ULK4: variants seen among roughly 807,000 people sequenced by gnomAD.
ULK4 encodes the protein unc-51 like kinase 4, also known as inactive serine/threonine-protein kinase ULK4.
In ULK4, 133 loss-of-function variants were observed where a neutral mutation model predicts 160.6. That is an observed-to-expected ratio of 0.83 (90% CI 0.72 to 0.96). The LOEUF is 0.96. Among genes scored for constraint, ULK4 ranks in the 40% least tolerant of loss-of-function variants. The pLI is 0.00. For missense variants in ULK4, 1,580 were observed against 1,499.5 expected, an observed-to-expected ratio of 1.05 and a Z score of -0.89; for synonymous variants, 534 against 539.8, an observed-to-expected ratio of 0.99 and a Z score of 0.15.
chr3:41,252,925 T>C (rs953926558), intron 35 of ULK4, among the ~76,000 whole-genome samples: 91 of 152,172 alleles, frequency 6.0e-4, no homozygotes, highest in African/African-American at 2.0e-3. Context: ...ATATTACTTA[T>C]AGGGTAACAA....
intron 34 of ULK4, among the ~76,000 whole-genome samples, chr3:41,442,093 T>C (rs994631106): frequency 2.0e-5 from 3 of 152,186 alleles, no homozygotes; most frequent in Admixed American, 2.0e-4. Flanking sequence ...CAGTATATAG[T>C]TGGGTCTTGC....
intron 21 of ULK4, among the ~76,000 whole-genome samples, chr3:41,765,764 T>G (rs1257460713): frequency 6.6e-6 from 1 of 152,176 alleles, no homozygotes; most frequent in African/African-American, 2.4e-5. Context: ...TCTTTCAAAA[T>G]GAATATATTA....
chr3:41,428,320 A>G (rs772603902), intron 34 of ULK4, among the ~76,000 whole-genome samples: 3 of 152,210 alleles, frequency 2.0e-5, no homozygotes, highest in East Asian at 3.9e-4. Flanking sequence ...AAGAATAAAT[A>G]TCGTGAAAAT....
At position 41,376,388 on chromosome 3, in the gene ULK4, G is replaced by A. The variant is rs143043695; in HGVS notation, c.3678+21691C>T. Among the ~76,000 whole-genome samples, 384 of 150,262 alleles carry A rather than the reference G, an allele frequency of 2.6e-3. 18 individuals carry two copies. The highest frequency in any genetic ancestry group is 0.018 in the East Asian group (89 of 4,842). ...GGAACCAACCCAAATGCCCATCAAT[G>A]AGAGACTGGATAAAGAAAATGTGGC... On this transcript the variant is annotated intron_variant, in intron 35 of 36. Transcript: ENST00000301831.
At chr3:41,804,170 T>A (rs1012749012) in intron 19 of ULK4, among the ~76,000 whole-genome samples, 2 of 151,848 alleles carry the variant, frequency 1.3e-5, no homozygotes, top group African/African-American at 4.9e-5. Context: ...TTTTTAATGA[T>A]TGCCATTCTA....
At chr3:41,420,099 CA>C (rs1340823882) in intron 34 of ULK4, among the ~76,000 whole-genome samples, 2 of 151,292 alleles carry the variant, frequency 1.3e-5, no homozygotes, top group South Asian at 2.1e-4. Context: ...CTGTGAGAGA[CA>C]GGAGATAAAT....
chr3:41,586,387 C>T (rs2030804885), intron 31 of ULK4, among the ~76,000 whole-genome samples: 3 of 152,000 alleles, frequency 2.0e-5, no homozygotes. Flanking sequence ...TGAAATAAGC[C>T]AGTCACAAAA....
intron 21 of ULK4, among the ~76,000 whole-genome samples, chr3:41,776,219 T>C (rs192297638): frequency 6.6e-6 from 1 of 151,048 alleles, no homozygotes; most frequent in African/African-American, 2.5e-5. Flanking sequence ...CCAAGTTTAC[T>C]GACCATTCCA....
chr3:41,386,592 C>A (rs115201244), intron 35 of ULK4, among the ~76,000 whole-genome samples: 4 of 152,094 alleles, frequency 2.6e-5, no homozygotes, highest in African/African-American at 9.7e-5. Context: ...TGACCCTTTG[C>A]GTTCCATTTG....
At chr3:41,535,077 C>G (rs1165307898) in intron 32 of ULK4, among the ~76,000 whole-genome samples, 1 of 152,058 alleles carries the variant, frequency 6.6e-6, no homozygotes, top group African/African-American at 2.4e-5. Flanking sequence ...TCTTATTTTT[C>G]AACTAAGATT....
At chr3:41,344,426 T>G (rs1370234955) in intron 35 of ULK4, among the ~76,000 whole-genome samples, 1 of 152,124 alleles carries the variant, frequency 6.6e-6, no homozygotes, top group Non-Finnish European at 1.5e-5. Context: ...GGCAAAGATT[T>G]CATCATGAAA....
chr3:41,398,235 A>G lies in ULK4; in HGVS notation c.3522T>C (p.Asp1174=), dbSNP rs769632532. The change falls in exon 35 of 37, where the codon GAT becomes GAC. Residue 1174 remains aspartate (D), a synonymous_variant. Transcript: ENST00000301831. ...GTATAGACAGGCACTTGGATGAAAC[A>G]TCAAAAATCTCAGGATCTTCATTAG... ...LLPNEDPEIF[D]VSSKCLSILV... The G allele has an allele frequency of 8.1e-6, 13 of 1,611,666 alleles. No homozygotes were observed. Among genetic ancestry groups the G allele is most frequent in the Non-Finnish European group, 1.1e-5 (13 of 1,179,340 alleles).
At chr3:41,431,531 T>G (rs2082907353) in intron 34 of ULK4, among the ~76,000 whole-genome samples, 1 of 133,530 alleles carries the variant, frequency 7.5e-6, no homozygotes, top group African/African-American at 2.9e-5. Flanking sequence ...TCCTGTGAGG[T>G]GTTGTAATTC....
At chr3:41,625,456 G>A (rs577201119) in intron 30 of ULK4, among the ~76,000 whole-genome samples, 7 of 152,132 alleles carry the variant, frequency 4.6e-5, no homozygotes, top group Admixed American at 3.3e-4. Flanking sequence ...AAACCCCAAC[G>A]CACTCTGAAT....
At chr3:41,748,857 T>C (rs1464067520) in intron 22 of ULK4, among the ~76,000 whole-genome samples, 2 of 152,226 alleles carry the variant, frequency 1.3e-5, no homozygotes, top group Non-Finnish European at 2.9e-5. Context: ...ATCTTGTAGA[T>C]GATTCCATGG....
intron 30 of ULK4, among the ~76,000 whole-genome samples, chr3:41,643,024 T>C (rs943292312): frequency 1.3e-5 from 2 of 152,154 alleles, no homozygotes; most frequent in Non-Finnish European, 2.9e-5. Flanking sequence ...CTTCGCCCAG[T>C]TTTTGATGGG....
At chr3:41,809,866 T>A (rs1008188411) in intron 19 of ULK4, among the ~76,000 whole-genome samples, 2 of 152,200 alleles carry the variant, frequency 1.3e-5, no homozygotes, top group African/African-American at 4.8e-5. Context: ...TGACTGAGAG[T>A]ACATCTATAA....
chr3:41,802,999 T>C (rs1296368048), intron 19 of ULK4, among the ~76,000 whole-genome samples: 4 of 152,208 alleles, frequency 2.6e-5, no homozygotes, highest in South Asian at 2.1e-4. Context: ...ACCCCATCTC[T>C]ACCAAAAACA....
At chr3:41,695,409 T>G (rs1006688419) in intron 27 of ULK4, among the ~76,000 whole-genome samples, 15 of 152,000 alleles carry the variant, frequency 9.9e-5, no homozygotes, top group Admixed American at 3.9e-4. Flanking sequence ...AAACCGGAGC[T>G]CCTCAGAGAA....
Sources: gnomAD v4.1 joint callset for allele counts (sites outside exome capture counted in the v4.1 genomes callset) on GRCh38, gnomAD v4.1.1 for gene constraint, MANE v1.5 for transcripts, NCBI Gene and HGNC (gene_info 2026-07-23, HGNC 2026-07-21) for gene names.